Variants in ABHD3 observed in about 807,000 individuals in gnomAD.
ABHD3 encodes abhydrolase domain containing 3, phospholipase.
In ABHD3, 46 loss-of-function variants were observed where a neutral mutation model predicts 48.8. The observed-to-expected ratio is 0.94, with a 90% confidence interval of 0.74 to 1.20. ABHD3 has a LOEUF of 1.20. Ranked by LOEUF, ABHD3 falls within the 50% of genes most tolerant of loss-of-function variation. The probability of loss-of-function intolerance (pLI) is 0.00; values close to 1 mark genes in which losing one functional copy is unlikely to be tolerated. For missense variants in ABHD3, 490 were observed against 497.8 expected (o/e 0.98, Z 0.15); for synonymous variants, 192 against 183.7 (o/e 1.04, Z -0.36).
chr18:21,680,858 G>GTT (rs1218510295), intron 4 of ABHD3, among the ~76,000 whole-genome samples: 4 of 59,516 alleles, frequency 6.7e-5, no homozygotes, highest in Non-Finnish European at 1.1e-4. Context: ...TCAAATGTGT[G>GTT]TGTGTGTGTG....
chr18:21,658,660 T>A (rs1332864569), intron 6 of ABHD3, among the ~76,000 whole-genome samples: 1 of 152,228 alleles, frequency 6.6e-6, no homozygotes, highest in African/African-American at 2.4e-5. Context: ...GCTATATTTT[T>A]AACTTATGCT....
intron 2 of ABHD3, among the ~76,000 whole-genome samples, chr18:21,703,311 A>C (rs145168801): frequency 1.3e-5 from 2 of 148,436 alleles, no homozygotes; most frequent in African/African-American, 4.9e-5. Flanking sequence ...AAACTGCGAG[A>C]CAGTAATCCC....
intron 1 of ABHD3, 36 bp from the exon 2 acceptor site, chr18:21,703,783 G>A: frequency 1.3e-5 from 20 of 1,592,772 alleles, no homozygotes; most frequent in Non-Finnish European, 1.7e-5. Flanking sequence ...AGGGCCCAGA[G>A]CAAAGTTTCT....
At chr18:21,659,449 A>T in intron 5 of ABHD3, 106 bp from the exon 6 acceptor site, 1 of 1,125,112 alleles carries the variant, frequency 8.9e-7, no homozygotes, top group East Asian at 2.5e-5. Context: ...GAAAAATATA[A>T]ACTAGTGTTT....
intron 4 of ABHD3, among the ~76,000 whole-genome samples, chr18:21,678,000 A>T (rs1243895520): frequency 6.6e-6 from 1 of 150,418 alleles, no homozygotes; most frequent in Non-Finnish European, 1.5e-5. Flanking sequence ...CTGTTGCCCA[A>T]GCTGGAGTGC....
Position 21,703,733 on chromosome 18 carries a change from C to A in ABHD3, c.177G>T (p.Val59=). The change falls in exon 2 of 9, where the codon GTG becomes GTT. Residue 59 remains valine, a synonymous_variant. Transcript: ENST00000289119. ...LSSIAKKPQL[V]TGGESFSRFL... ...AGCGGCTGAAACTCTCACCCCCGGT[C>A]ACTAACTGGGGTTTCTGAAGGGAAA... The A allele has an allele frequency of 6.2e-7, 1 of 1,613,836 alleles. No homozygotes were observed. Among genetic ancestry groups the A allele is most frequent in the South Asian group, 1.1e-5 (1 of 91,056 alleles).
At chr18:21,698,645 C>T (rs1011140602) in intron 3 of ABHD3, among the ~76,000 whole-genome samples, 1 of 152,126 alleles carries the variant, frequency 6.6e-6, no homozygotes, top group Non-Finnish European at 1.5e-5. Context: ...TCAACCATCT[C>T]GGCCCACTGC....
intron 3 of ABHD3, among the ~76,000 whole-genome samples, chr18:21,687,278 G>A (rs1231927225): frequency 2.6e-5 from 4 of 151,124 alleles, no homozygotes; most frequent in African/African-American, 9.7e-5. Flanking sequence ...GCGCAATCTC[G>A]GCTCACTGCA....
In ABHD3 at chr18:21,656,845, A is replaced by C; in HGVS notation, c.1057+16T>G. On this transcript the variant is annotated intron_variant, in intron 8 of 8. Coordinates refer to ENST00000289119, the MANE Select transcript of ABHD3 (RefSeq NM_138340.5). ...GTTGATTCATGTCAAAATATATACA[A>C]ATATGTTAATTTTACCATGACTGGG... The C allele has an allele frequency of 6.4e-7, 1 of 1,567,250 alleles. No individual in the cohort carries two copies. Among genetic ancestry groups the C allele is most frequent in the Non-Finnish European group, 8.7e-7 (1 of 1,153,934 alleles).
At chr18:21,698,538 CAT>C (rs1305835116) in intron 3 of ABHD3, among the ~76,000 whole-genome samples, 1 of 151,842 alleles carries the variant, frequency 6.6e-6, no homozygotes, top group African/African-American at 2.4e-5. Context: ...GGAAGTAAGA[CAT>C]AAACATTTTC....
At chr18:21,657,875 TA>T (rs749693424) in intron 6 of ABHD3, among the ~76,000 whole-genome samples, 4 of 151,680 alleles carry the variant, frequency 2.6e-5, no homozygotes, top group South Asian at 2.1e-4. Flanking sequence ...AAATTAAAAA[TA>T]AAAAAAATTA....
chr18:21,654,220 A>T (rs1324548018), intron 8 of ABHD3, among the ~76,000 whole-genome samples: 1 of 151,570 alleles, frequency 6.6e-6, no homozygotes, highest in African/African-American at 2.4e-5. Flanking sequence ...CCTGTCTCCA[A>T]ATATATATAT....
intron 4 of ABHD3, among the ~76,000 whole-genome samples, chr18:21,672,484 G>C (rs2146302156): frequency 6.6e-6 from 1 of 152,302 alleles, no homozygotes; most frequent in African/African-American, 2.4e-5. Flanking sequence ...ATGATCATCA[G>C]GATCTTAGAA....
chr18:21,652,600 C>A (rs1443744881), intron 8 of ABHD3, among the ~76,000 whole-genome samples: 1 of 151,728 alleles, frequency 6.6e-6, no homozygotes, highest in Non-Finnish European at 1.5e-5. Context: ...CATGGTGAAA[C>A]CACGTCTCTA....
chr18:21,673,235 A>G (rs917272796), intron 4 of ABHD3, among the ~76,000 whole-genome samples: 1 of 152,198 alleles, frequency 6.6e-6, no homozygotes, highest in Admixed American at 6.5e-5. Flanking sequence ...AAAATAAATT[A>G]CAGATACCTG....
At chr18:21,657,223 A>G in intron 6 of ABHD3, 71 bp from the exon 7 acceptor site, 1 of 1,409,820 alleles carries the variant, frequency 7.1e-7, no homozygotes, top group Non-Finnish European at 9.6e-7. Flanking sequence ...GGACTTAAAA[A>G]CAAATTACTA....
rs577792647 is a variant in ABHD3 at position 21,675,504 on chromosome 18, T to C, written c.555+8416A>G. ...GAATGGTCTTGATCTCCTGACCTCG[T>C]GATCCACCCACCTTGGCCTCCCAAA... is the stretch of plus-strand genomic sequence containing the variant. On this transcript the variant is annotated intron_variant, in intron 4 of 8. Transcript: ENST00000289119. 3.0e-4 allele frequency among the ~76,000 whole-genome samples: 45 copies of C among 152,102 alleles called. 1 individual carries two copies. The South Asian group carries it at 8.5e-3, about 29-fold the overall frequency.
chr18:21,655,765 G>A (rs553797533), intron 8 of ABHD3, among the ~76,000 whole-genome samples: 2 of 151,558 alleles, frequency 1.3e-5, no homozygotes, highest in East Asian at 4.0e-4. Context: ...GCTTGAACTC[G>A]GGAGGCGTGA....
At chr18:21,683,812 T>C in intron 4 of ABHD3, 108 bp downstream of exon 4, 1 of 1,100,962 alleles carries the variant, frequency 9.1e-7, no homozygotes, top group Non-Finnish European at 1.2e-6. Flanking sequence ...TAAATTTGTA[T>C]TGCTTACATA....
Sources: gnomAD v4.1 joint callset for allele counts (sites outside exome capture counted in the v4.1 genomes callset) on GRCh38, gnomAD v4.1.1 for gene constraint, MANE v1.5 for transcripts, NCBI Gene and HGNC (gene_info 2026-07-23, HGNC 2026-07-21) for gene names.